BDH1: variants seen among roughly 807,000 people sequenced by gnomAD.
BDH1 encodes the protein 3-hydroxybutyrate dehydrogenase 1, also known as D-beta-hydroxybutyrate dehydrogenase, mitochondrial.
In BDH1, 30 loss-of-function variants were observed where a neutral mutation model predicts 33.1. The observed-to-expected ratio is 0.91, with a 90% CI of 0.68 to 1.23. BDH1 has a LOEUF of 1.23. Ranked by LOEUF, BDH1 falls within the 50% of genes most tolerant of loss-of-function variation. BDH1 has a pLI of 0.00. For synonymous variants in BDH1, 190 were observed against 183.6 expected, an observed-to-expected ratio of 1.03 and a Z score of -0.28; for missense variants, 443 against 464.4, an observed-to-expected ratio of 0.95 and a Z score of 0.42.
intron 1 of BDH1, among the ~76,000 whole-genome samples, chr3:197,566,867 G>T (rs1266149570): frequency 6.6e-6 from 1 of 151,530 alleles, no homozygotes; most frequent in African/African-American, 2.4e-5. Context: ...TCCTAATTTG[G>T]AGTCACTGAA....
In BDH1 at chr3:197,555,959, A is replaced by C. The variant is rs1717000173; in HGVS notation, c.-374T>G. 6.6e-6 allele frequency: 1 copy of C among 152,178 alleles called. No homozygotes were observed. Among genetic ancestry groups the C allele is most frequent in the South Asian group, 2.1e-4 (1 of 4,832 alleles). 9.4% of individuals were successfully genotyped at this position (152,178 alleles called of 1,614,324 possible). On this transcript the variant is annotated 5_prime_UTR_variant, in exon 1 of 8. Coordinates refer to ENST00000392379, the MANE Select transcript of BDH1 (RefSeq NM_203314.3). ...GCGGCCTGCGGCCTCCGCCACCCGG[A>C]CGCTTCTACACGCGAAGCGCGCGCT...
Position 197,522,689 on chromosome 3 carries a change from C to T in BDH1, c.360G>A (p.Val120=). Residue 120 remains valine (V), a synonymous_variant, in exon 6 of 8, where the codon GTG becomes GTA. Transcript: ENST00000392379. The surrounding 1 kb of genome is among the most constrained non-coding windows in gnomAD (Gnocchi z 4.8). ...VQLNVCSSEE[V]EKVVEIVRSS... ...AGCGGACAATCTCCACCACTTTCTC[C>T]ACCTCTTCGCTGCTGCAGACATTGA... The T allele has an allele frequency of 6.2e-7, 1 of 1,614,210 alleles. No homozygotes were observed. Among genetic ancestry groups the T allele is most frequent in the Non-Finnish European group, 8.5e-7 (1 of 1,180,036 alleles).
At position 197,510,599 on chromosome 3, in the gene BDH1, G is replaced by GGGTGTGTGTGTGTGTGTGTGT. The variant is rs1553865645; in HGVS notation, c.*1295_*1296insACACACACACACACACACACC. On this transcript the variant is annotated 3_prime_UTR_variant, in exon 8 of 8. Transcript: ENST00000392379. ...CCACGCTGAAGCCCTGCAGAACAGG[G>GGGTGTGTGTGTGTGTGTGTGT]GTGTGTGTGTGTGTGTGTGTGTGTG... The GGGTGTGTGTGTGTGTGTGTGT allele has an allele frequency of 2.7e-5, 2 of 75,376 alleles. No homozygotes were observed. Among genetic ancestry groups the GGGTGTGTGTGTGTGTGTGTGT allele is most frequent in the Non-Finnish European group, 2.4e-5 (1 of 41,022 alleles). The allele number at this position is 75,376 out of a possible 1,614,324, so 4.7% of individuals were successfully genotyped here.
At chr3:197,558,051 A>T (rs62283261), upstream of BDH1, among the ~76,000 whole-genome samples, 65 of 152,398 alleles carry the variant, frequency 4.3e-4, no homozygotes, top group Non-Finnish European at 8.1e-4. Context: ...AAAAACATAG[A>T]TCCTGACTCT....
chr3:197,514,629 T>A lies in BDH1; in HGVS notation c.410-213A>T, dbSNP rs1055733713. On this transcript the variant is annotated intron_variant, in intron 6 of 7. Coordinates refer to ENST00000392379, the MANE Select transcript of BDH1 (RefSeq NM_203314.3). The surrounding 1 kb of genome is among the most constrained non-coding windows in gnomAD (Gnocchi z 4.2). ...GCAGCCCTCCCTTGCGTCTAGAATG[T>A]CCAGTCCTCACGTCACATCTGCCTG... Among the ~76,000 whole-genome samples the A allele has an allele frequency of 1.3e-5, 2 of 152,108 alleles. No individual in the cohort carries two copies. The highest frequency in any genetic ancestry group is 2.4e-5 in the African/African-American group (1 of 41,422).
intron 3 of BDH1, among the ~76,000 whole-genome samples, chr3:197,545,904 A>G (rs923703569): frequency 6.6e-6 from 1 of 152,236 alleles, no homozygotes; most frequent in African/African-American, 2.4e-5. Flanking sequence ...TGGGAGGCCA[A>G]GGCGGGTGGA....
Position 197,523,005 on chromosome 3 carries a change from G to T in BDH1, c.268-224C>A. 1.9e-6 allele frequency: 1 copy of T among 520,394 alleles called. No homozygotes were observed. 32.2% of individuals were successfully genotyped at this position (520,394 alleles called of 1,614,324 possible). A position where few individuals can be genotyped will look rare whatever the true frequency, so the allele number is the denominator to read the frequency against. On this transcript the variant is annotated intron_variant, in intron 5 of 7. Transcript: ENST00000392379. The surrounding 1 kb of genome is among the most constrained non-coding windows in gnomAD (Gnocchi z 4.5). Reference sequence around the variant, plus strand: ...TGTGCCACAGACACAACCATGAATAGGATGAAGAGCCGGCCCCCAAGGCCT... The same window carrying T: ...TGTGCCACAGACACAACCATGAATATGATGAAGAGCCGGCCCCCAAGGCCT...
At chr3:197,534,365 A>G (rs888979278) in intron 3 of BDH1, among the ~76,000 whole-genome samples, 5 of 152,250 alleles carry the variant, frequency 3.3e-5, no homozygotes, top group Admixed American at 6.5e-5. Context: ...TTCATTCAAC[A>G]TAATTCTCTG....
intron 5 of BDH1, among the ~76,000 whole-genome samples, chr3:197,527,637 C>G (rs76248861): frequency 3.9e-5 from 6 of 152,194 alleles, no homozygotes; most frequent in South Asian, 2.1e-4. Context: ...CTACTCCCCC[C>G]TCATTCTGCT....
chr3:197,556,528 C>G (rs928727304), upstream of BDH1, among the ~76,000 whole-genome samples: 13 of 151,592 alleles, frequency 8.6e-5, no homozygotes, highest in Non-Finnish European at 1.3e-4. Context: ...GTTAGCAGGG[C>G]GCGGTGGCGC....
intron 3 of BDH1, chr3:197,538,498 T>C (rs953959577): frequency 4.9e-6 from 2 of 406,532 alleles, no homozygotes; most frequent in East Asian, 7.2e-5. Flanking sequence ...ACTACAGGCT[T>C]GCATCACCAC....
chr3:197,570,842 G>A (rs1717582895), intron 1 of BDH1, among the ~76,000 whole-genome samples: 1 of 152,230 alleles, frequency 6.6e-6, no homozygotes, highest in Non-Finnish European at 1.5e-5. Context: ...GTCCCCACTA[G>A]GTTACTGCCT....
chr3:197,562,012 G>T (rs977186593), intron 1 of BDH1, among the ~76,000 whole-genome samples: 1 of 152,158 alleles, frequency 6.6e-6, no homozygotes, highest in African/African-American at 2.4e-5. Context: ...TTTTCTCTGT[G>T]AAGTTTCAAG....
chr3:197,517,130 G>A (rs1484162100), intron 6 of BDH1, among the ~76,000 whole-genome samples: 2 of 151,918 alleles, frequency 1.3e-5, no homozygotes, highest in Non-Finnish European at 2.9e-5. Flanking sequence ...TGGGCTGCTG[G>A]AGAAGCCTCC....
In BDH1 at chr3:197,514,282, G is replaced by C. The variant is rs780604876; in HGVS notation, c.544C>G (p.Leu182Val). 6 of 1,613,208 alleles carry C rather than the reference G, an allele frequency of 3.7e-6. No homozygotes were observed. The highest frequency in any genetic ancestry group is 2.2e-5 in the South Asian group (2 of 90,976). ...CACTCACCTTTGGCCCTTCGGATGA[G>C]GGGGAGAAAGGATTTCGTCATCCGC... is the stretch of plus-strand genomic sequence containing the variant. ...TVRMTKSFLP[L>V]IRRAKGRVVN... The change falls in exon 7 of 8, where the codon CTC (leucine) becomes GTC (valine). Residue 182 changes from leucine to valine, a missense_variant. Leu to Val is a conservative substitution (Grantham distance 32, BLOSUM62 1). Coordinates refer to ENST00000392379, the MANE Select transcript of BDH1 (RefSeq NM_203314.3). The surrounding 1 kb of genome is among the most constrained non-coding windows in gnomAD (Gnocchi z 4.2).
Position 197,511,617 on chromosome 3 carries a change from T to G in BDH1, c.*278A>C. ...CTGTTTTTAATATAAAGATGTTTTC[T>G]TAAAATCTCTGTATGAAATTATCTC... On this transcript the variant is annotated 3_prime_UTR_variant, in exon 8 of 8. Coordinates refer to ENST00000392379, the MANE Select transcript of BDH1 (RefSeq NM_203314.3). 4.8e-6 allele frequency: 2 copies of G among 412,406 alleles called. No individual in the cohort carries two copies. The highest frequency in any genetic ancestry group is 8.6e-6 in the Non-Finnish European group (2 of 233,622). The allele number at this position is 412,406 out of a possible 1,614,324, so 25.5% of individuals were successfully genotyped here.
chr3:197,553,237 TAA>T (rs1420998038), intron 2 of BDH1, among the ~76,000 whole-genome samples: 23 of 149,526 alleles, frequency 1.5e-4, no homozygotes, highest in African/African-American at 5.6e-4. Context: ...TTAAATGAAT[TAA>T]GAGAGTTTTG....
At chr3:197,567,626 C>T (rs367649849) in intron 1 of BDH1, among the ~76,000 whole-genome samples, 4 of 152,214 alleles carry the variant, frequency 2.6e-5, no homozygotes, top group South Asian at 4.2e-4. Context: ...TCGTCAGGAC[C>T]GCTTGAGGCA....
chr3:197,560,820 A>G (rs1438848374), upstream of BDH1, among the ~76,000 whole-genome samples: 1 of 152,252 alleles, frequency 6.6e-6, no homozygotes, highest in Non-Finnish European at 1.5e-5. Context: ...GCTCACTGAG[A>G]TAAATGTGTA....
Sources: allele counts gnomAD v4.1 joint callset (sites outside exome capture counted in the v4.1 genomes callset), GRCh38; gene constraint gnomAD v4.1.1; non-coding constraint Gnocchi (gnomAD v3.1); transcripts MANE v1.5; gene names NCBI Gene and HGNC (gene_info 2026-07-23, HGNC 2026-07-21).